Variants in PEMT observed in about 807,000 individuals in gnomAD.
PEMT encodes the protein phospholipid methyltransferase.
A neutral mutation model predicts 27.4 loss-of-function variants in PEMT; 23 were observed. That is an observed-to-expected ratio of 0.84 (90% CI 0.60 to 1.19). The LOEUF (loss-of-function observed/expected upper bound fraction) is 1.19. Ranked by LOEUF, PEMT falls within the 50% of genes most tolerant of loss-of-function variation. The pLI is 0.00. For missense variants in PEMT, 307 were observed against 310.1 expected, an observed-to-expected ratio of 0.99 and a Z score of 0.07; for synonymous variants, 137 against 139.1, an observed-to-expected ratio of 0.98 and a Z score of 0.11.
chr17:17,582,403 G>C lies in PEMT; in HGVS notation c.97-5376C>G, dbSNP rs113679335. ...TAATTTACTCCATTGAGGGGTGCAG[G>C]GTTCTCGGGAGCAGCGCTCTGTGGT... On this transcript the variant is annotated intron_variant, in intron 1 of 6. Transcript: ENST00000255389. The surrounding 1 kb of genome is among the most constrained non-coding windows in gnomAD (Gnocchi z 4.9). 895 of 985,456 alleles carry C rather than the reference G, an allele frequency of 9.1e-4. 2 individuals are homozygous for C. The Middle Eastern group carries it at 0.01, about 11-fold the overall frequency. The allele number at this position is 985,456 out of a possible 1,614,324, so 61.0% of individuals were successfully genotyped here. A position where few individuals can be genotyped will look rare whatever the true frequency, so the allele number is the denominator to read the frequency against.
chr17:17,562,634 C>T (rs113392406), intron 2 of PEMT, among the ~76,000 whole-genome samples: 23 of 152,238 alleles, frequency 1.5e-4, no homozygotes, highest in African/African-American at 5.3e-4. Flanking sequence ...CATGGTGAAA[C>T]CTTGTCTCTA....
chr17:17,578,512 T>A (rs1597962068), intron 1 of PEMT: 1 of 152,066 alleles, frequency 6.6e-6, no homozygotes, highest in East Asian at 1.9e-4. Flanking sequence ...ATTAATTAAT[T>A]TAAAAATAAA....
chr17:17,571,756 T>C (rs886705911), intron 2 of PEMT, among the ~76,000 whole-genome samples: 1 of 150,994 alleles, frequency 6.6e-6, no homozygotes, highest in African/African-American at 2.4e-5. Flanking sequence ...CCACCCAAAC[T>C]GGAGTTCAGT....
rs375971377 is a variant in PEMT at position 17,509,417 on chromosome 17, G to A, written c.578+17C>T. On this transcript the variant is annotated intron_variant, in intron 5 of 6. Transcript: ENST00000255389. ...AGGTGGCCAGCAGGGCAGAGGGGTG[G>A]CAAGCCTGGTACTCACATGATGGCC... 2.7e-5 allele frequency: 42 copies of A among 1,547,046 alleles called. No homozygotes were observed. The highest frequency in any genetic ancestry group is 3.4e-5 in the South Asian group (3 of 88,924).
At chr17:17,529,277 C>T (rs140085980) in intron 2 of PEMT, among the ~76,000 whole-genome samples, 1,740 of 152,340 alleles carry the variant, frequency 0.011, 26 homozygotes, top group African/African-American at 0.039. Context: ...GTGCACAGCC[C>T]TGGCTCCTTT....
chr17:17,545,679 C>T (rs1226489404), intron 2 of PEMT, among the ~76,000 whole-genome samples: 2 of 152,216 alleles, frequency 1.3e-5, no homozygotes, highest in Non-Finnish European at 2.9e-5. Flanking sequence ...TTGCCTGCTT[C>T]CAAACTTTTG....
At chr17:17,527,743 G>C (rs867964706) in intron 2 of PEMT, among the ~76,000 whole-genome samples, 1 of 152,186 alleles carries the variant, frequency 6.6e-6, no homozygotes, top group African/African-American at 2.4e-5. Flanking sequence ...GACAGGCCCC[G>C]GCAAAGCTGA....
intron 2 of PEMT, among the ~76,000 whole-genome samples, chr17:17,545,793 C>T (rs1189820676): frequency 2.0e-5 from 3 of 152,160 alleles, no homozygotes; most frequent in Admixed American, 6.5e-5. Flanking sequence ...TCACAGCGTT[C>T]GTGACGTCAG....
chr17:17,560,430 G>A (rs1597934745), intron 2 of PEMT, among the ~76,000 whole-genome samples: 1 of 152,236 alleles, frequency 6.6e-6, no homozygotes, highest in Non-Finnish European at 1.5e-5. Context: ...CAGAGGCTGT[G>A]GCAGAGGTTA....
chr17:17,526,492 G>A (rs1279734338), intron 2 of PEMT, among the ~76,000 whole-genome samples: 2 of 152,268 alleles, frequency 1.3e-5, no homozygotes, highest in African/African-American at 2.4e-5. Flanking sequence ...GGTGAGGGAT[G>A]AAAGGCTCCT....
At position 17,561,318 on chromosome 17, in the gene PEMT, C is replaced by T. The variant is rs192459603; in HGVS notation, c.204+15602G>A. Among the ~76,000 whole-genome samples, 37 of 152,290 alleles carry T rather than the reference C, an allele frequency of 2.4e-4. No individual in the cohort carries two copies. The East Asian group carries it at 3.5e-3, about 14-fold the overall frequency. On this transcript the variant is annotated intron_variant, in intron 2 of 6. Transcript: ENST00000255389. The surrounding 1 kb of genome is among the most constrained non-coding windows in gnomAD (Gnocchi z 4.5). ...TTTCACAGTTAAGAACGCCAAGGCA[C>T]GAAGCTTAGCACAGTGAATGGCCAG...
At chr17:17,559,130 C>T (rs1007568778) in intron 2 of PEMT, among the ~76,000 whole-genome samples, 4 of 152,190 alleles carry the variant, frequency 2.6e-5, no homozygotes, top group African/African-American at 4.8e-5. Context: ...CCCAGAGGCC[C>T]GGTATGACCC....
chr17:17,526,872 A>G (rs1907707981), intron 2 of PEMT, among the ~76,000 whole-genome samples: 1 of 152,134 alleles, frequency 6.6e-6, no homozygotes, highest in Non-Finnish European at 1.5e-5. Flanking sequence ...CTTGGCAATG[A>G]ACACAGCCTC....
chr17:17,545,757 G>A (rs1909215869), intron 2 of PEMT, among the ~76,000 whole-genome samples: 1 of 152,220 alleles, frequency 6.6e-6, no homozygotes, highest in African/African-American at 2.4e-5. Context: ...TTTTAGAGAT[G>A]CTATGATGGA....
chr17:17,576,898 C>T (rs1271123615), intron 2 of PEMT, 22 bp downstream of exon 2: 1 of 1,581,784 alleles, frequency 6.3e-7, no homozygotes, highest in Non-Finnish European at 8.7e-7. Context: ...CCCGTCTGGA[C>T]AGTGTCAGGC....
intron 2 of PEMT, among the ~76,000 whole-genome samples, chr17:17,537,513 AGG>A (rs34663545): frequency 3.3e-5 from 5 of 152,196 alleles, no homozygotes; most frequent in African/African-American, 7.2e-5. Flanking sequence ...AGCAGCCTGC[AGG>A]GGCCTTCCCC....
At chr17:17,564,534 C>T (rs1910697992) in intron 2 of PEMT, among the ~76,000 whole-genome samples, 1 of 152,222 alleles carries the variant, frequency 6.6e-6, no homozygotes. Flanking sequence ...CAGAATTACA[C>T]ATAATAAGGG....
At chr17:17,530,060 C>T (rs568192839) in intron 2 of PEMT, among the ~76,000 whole-genome samples, 5 of 152,294 alleles carry the variant, frequency 3.3e-5, no homozygotes, top group African/African-American at 1.2e-4. Context: ...CACAGACTTG[C>T]TTACATTTTC....
intron 1 of PEMT, among the ~76,000 whole-genome samples, chr17:17,587,457 C>A (rs1229593724): frequency 6.6e-6 from 1 of 152,152 alleles, no homozygotes; most frequent in Non-Finnish European, 1.5e-5. Flanking sequence ...CAGATGGTTT[C>A]CTGGATGAAT....
Sources: allele counts gnomAD v4.1 joint callset (sites outside exome capture counted in the v4.1 genomes callset), GRCh38; gene constraint gnomAD v4.1.1; non-coding constraint Gnocchi (gnomAD v3.1); transcripts MANE v1.5; gene names NCBI Gene and HGNC (gene_info 2026-07-23, HGNC 2026-07-21).